Variants in RASAL2 observed in about 807,000 individuals in gnomAD.
The protein encoded by RASAL2 is RAS protein activator like 2.
RASAL2 carries 58 observed loss-of-function variants against 128.9 expected under a neutral mutation model. The ratio of observed to expected loss-of-function variants is 0.45; its 90% CI spans 0.36 to 0.56. The LOEUF is 0.56. Ranked by LOEUF, RASAL2 falls within the 20% of genes least tolerant of loss-of-function variation. RASAL2 has a pLI of 0.00. For missense variants in RASAL2, 1,360 were observed against 1,601.6 expected (o/e 0.85, Z 2.57); for synonymous variants, 561 against 580.8 (o/e 0.97, Z 0.49).
intron 4 of RASAL2, among the ~76,000 whole-genome samples, chr1:178,402,499 A>G (rs370457036): frequency 2.0e-5 from 3 of 152,312 alleles, no homozygotes; most frequent in African/African-American, 7.2e-5. Context: ...TGTTTGCAGT[A>G]TTACAAACAG....
At chr1:178,286,621 A>C (rs1425231656) in intron 2 of RASAL2, among the ~76,000 whole-genome samples, 3 of 152,202 alleles carry the variant, frequency 2.0e-5, no homozygotes, top group Non-Finnish European at 4.4e-5. Context: ...AATGTTGGCC[A>C]GGCTGGTCTC....
chr1:178,444,772 A>G (rs1046344989), intron 8 of RASAL2, among the ~76,000 whole-genome samples: 58 of 152,300 alleles, frequency 3.8e-4, no homozygotes, highest in African/African-American at 1.2e-3. Context: ...TAGATTCTAC[A>G]TTGACACTGT....
chr1:178,340,492 A>G (rs1036108114), intron 3 of RASAL2, among the ~76,000 whole-genome samples: 2 of 152,210 alleles, frequency 1.3e-5, no homozygotes, highest in African/African-American at 4.8e-5. Context: ...TTTAAAACAA[A>G]CTAAAATGAT....
intron 3 of RASAL2, chr1:178,372,172 T>C: frequency 5.1e-6 from 5 of 985,378 alleles, no homozygotes; most frequent in Non-Finnish European, 6.0e-6. Context: ...ATTTAGTCTC[T>C]GTATCCTTTT....
chr1:178,213,901 A>G (rs1663337916), intron 1 of RASAL2, among the ~76,000 whole-genome samples: 1 of 151,730 alleles, frequency 6.6e-6, no homozygotes, highest in Non-Finnish European at 1.5e-5. Flanking sequence ...AGGGAAAAAA[A>G]AAACTCCAAA....
intron 2 of RASAL2, among the ~76,000 whole-genome samples, chr1:178,288,683 C>G (rs1667145733): frequency 8.6e-6 from 1 of 115,682 alleles, no homozygotes. Context: ...CAGACTTTCA[C>G]TCTGTCACCC....
intron 6 of RASAL2, among the ~76,000 whole-genome samples, chr1:178,439,998 C>CATCCATCCATCCATCCATCCATCCATCT (rs1553233923): frequency 5.3e-5 from 8 of 150,790 alleles, no homozygotes; most frequent in African/African-American, 2.0e-4. Context: ...TCCATCCATC[C>CATCCATCCATCCATCCATCCATCCATCT]ATCCATCCAT....
chr1:178,238,416 G>A (rs915419565), intron 1 of RASAL2, among the ~76,000 whole-genome samples: 3 of 151,922 alleles, frequency 2.0e-5, no homozygotes, highest in Admixed American at 1.3e-4. Flanking sequence ...TTTTCATTTC[G>A]CCTGGGCATT....
intron 1 of RASAL2, among the ~76,000 whole-genome samples, chr1:178,185,006 A>ATG (rs1161130129): frequency 1.3e-5 from 2 of 151,840 alleles, no homozygotes; most frequent in South Asian, 2.1e-4. Flanking sequence ...TAGCTTTTGC[A>ATG]TGCAGGTTCT....
intron 3 of RASAL2, among the ~76,000 whole-genome samples, chr1:178,358,662 T>C (rs1463619712): frequency 6.6e-6 from 1 of 152,198 alleles, no homozygotes; most frequent in Non-Finnish European, 1.5e-5. Context: ...CAAGTATTAA[T>C]ATTGAGCAGA....
chr1:178,408,612 G>GTTTTTTTTTT (rs756656921), intron 4 of RASAL2, among the ~76,000 whole-genome samples: 2 of 142,470 alleles, frequency 1.4e-5, no homozygotes, highest in Admixed American at 6.8e-5. Flanking sequence ...GTTTTTTTTT[G>GTTTTTTTTTT]TTTTTTGTTT....
intron 2 of RASAL2, among the ~76,000 whole-genome samples, chr1:178,294,605 GTCTA>G (rs1218759945): frequency 9.2e-5 from 14 of 152,296 alleles, no homozygotes; most frequent in East Asian, 7.7e-4. Flanking sequence ...CTCACTATCT[GTCTA>G]TCTGTCTGTC....
intron 3 of RASAL2, among the ~76,000 whole-genome samples, chr1:178,363,272 G>T (rs1335151495): frequency 6.6e-6 from 1 of 152,044 alleles, no homozygotes; most frequent in Non-Finnish European, 1.5e-5. Flanking sequence ...GTGATGTTGA[G>T]CATCTTTTCA....
At position 178,442,811 on chromosome 1, in the gene RASAL2, C is replaced by T; in HGVS notation, c.1064C>T (p.Ala355Val). 1.2e-6 allele frequency: 2 copies of T among 1,613,924 alleles called. No individual in the cohort carries two copies. Among genetic ancestry groups the T allele is most frequent in the Non-Finnish European group, 1.7e-6 (2 of 1,179,948 alleles). ...LFARTTSKTK[A>V]DNIFWGEHFE... ...GCTCGTACAACCAGCAAGACCAAAG[C>T]AGACAATATTTTCTGGGGCGAACAT... Residue 355 changes from alanine (A) to valine (V), a missense_variant, in exon 8 of 18, where the codon GCA (alanine) becomes GTA (valine). By Grantham distance (64) the Ala-to-Val change is moderately conservative. Transcript: ENST00000367649.
At chr1:178,438,872 G>A (rs1372013922) in intron 5 of RASAL2, among the ~76,000 whole-genome samples, 1 of 130,246 alleles carries the variant, frequency 7.7e-6, no homozygotes, top group African/African-American at 2.7e-5. Context: ...AAAAAGTTGA[G>A]CTTCGACTCT....
intron 1 of RASAL2, among the ~76,000 whole-genome samples, chr1:178,131,140 C>G (rs539073376): frequency 5.1e-4 from 78 of 151,768 alleles, no homozygotes; most frequent in African/African-American, 1.7e-3. Flanking sequence ...TTTTAAAATT[C>G]CAAATAATTA....
At position 178,367,874 on chromosome 1, in the gene RASAL2, C is replaced by T. The variant is rs143677158; in HGVS notation, c.458-22226C>T. ...CAATGATAAGGACTTGGTAGATATC[C>T]GGACATACATTAAGTACTGAAAATA... On this transcript the variant is annotated intron_variant, in intron 3 of 17. Coordinates refer to ENST00000367649, the MANE Select transcript of RASAL2 (RefSeq NM_170692.4). 8.8e-4 allele frequency among the ~76,000 whole-genome samples: 134 copies of T among 152,156 alleles called. 1 individual carries two copies. The highest frequency in any genetic ancestry group is 2.9e-3 in the African/African-American group (121 of 41,516).
Position 178,181,247 on chromosome 1 carries a change from A to C in RASAL2, c.202+86553A>C, listed in dbSNP as rs535590171. ...ATGGTACAGAGTTCCCATATGCTTCACACCCAATTTCCCTATTACTTATAT... is the reference window on the plus strand; with the variant it reads ...ATGGTACAGAGTTCCCATATGCTTCCCACCCAATTTCCCTATTACTTATAT... On this transcript the variant is annotated intron_variant, in intron 1 of 17. Coordinates refer to ENST00000367649, the MANE Select transcript of RASAL2 (RefSeq NM_170692.4). 1.1e-3 allele frequency among the ~76,000 whole-genome samples: 166 copies of C among 152,258 alleles called. 1 individual carries two copies. The highest frequency in any genetic ancestry group is 3.7e-3 in the African/African-American group (155 of 41,576).
chr1:178,230,711 T>C (rs1663971176), intron 1 of RASAL2, among the ~76,000 whole-genome samples: 1 of 152,154 alleles, frequency 6.6e-6, no homozygotes, highest in Non-Finnish European at 1.5e-5. Flanking sequence ...TAAAAAGCTT[T>C]AGAGCAACAA....
Sources: allele counts gnomAD v4.1 joint callset (sites outside exome capture counted in the v4.1 genomes callset), GRCh38; gene constraint gnomAD v4.1.1; transcripts MANE v1.5; gene names NCBI Gene and HGNC (gene_info 2026-07-23, HGNC 2026-07-21).